Variants in EXOC6B observed in about 807,000 individuals in gnomAD.
The protein encoded by EXOC6B is SEC15 homolog B.
In EXOC6B, 54 loss-of-function variants were observed where a neutral mutation model predicts 113.5. That is an observed-to-expected ratio of 0.48 (90% CI 0.38 to 0.60). EXOC6B has a LOEUF of 0.60. EXOC6B is among the 20% of genes least tolerant of loss of function. The pLI is 0.00. For missense variants in EXOC6B, 797 were observed against 977.5 expected (o/e 0.82, Z 2.46); for synonymous variants, 357 against 339.0 (o/e 1.05, Z -0.58).
chr2:72,456,770 T>A (rs748986481), intron 18 of EXOC6B, among the ~76,000 whole-genome samples: 1 of 152,118 alleles, frequency 6.6e-6, no homozygotes, highest in South Asian at 2.1e-4. Context: ...GCAGATGCTT[T>A]AATTACCATT....
chr2:72,264,347 G>C (rs1299095598), intron 20 of EXOC6B, among the ~76,000 whole-genome samples: 2 of 152,112 alleles, frequency 1.3e-5, no homozygotes, highest in African/African-American at 4.8e-5. Flanking sequence ...GAGGCGGGCA[G>C]ATCACCTCAG....
intron 1 of EXOC6B, among the ~76,000 whole-genome samples, chr2:72,821,228 T>C (rs554899421): frequency 8.4e-4 from 127 of 151,982 alleles, no homozygotes; most frequent in African/African-American, 3.0e-3. Flanking sequence ...AATAAGCACA[T>C]GAAAAGAACA....
intron 6 of EXOC6B, among the ~76,000 whole-genome samples, chr2:72,644,200 A>G (rs1673501407): frequency 6.6e-6 from 1 of 152,220 alleles, no homozygotes. Context: ...GGTATCAGTG[A>G]TTGAAGATCA....
intron 6 of EXOC6B, among the ~76,000 whole-genome samples, chr2:72,682,585 A>G (rs950075849): frequency 3.9e-5 from 6 of 152,194 alleles, no homozygotes; most frequent in Non-Finnish European, 8.8e-5. Context: ...CAGAGTGACC[A>G]TAAAGGGATA....
chr2:72,339,051 T>C (rs1314900734), intron 19 of EXOC6B, among the ~76,000 whole-genome samples: 1 of 152,036 alleles, frequency 6.6e-6, no homozygotes, highest in Non-Finnish European at 1.5e-5. Flanking sequence ...GTTCAAGATT[T>C]AGCATTATTG....
At chr2:72,400,158 AC>A (rs1298120663) in intron 18 of EXOC6B, among the ~76,000 whole-genome samples, 1 of 152,142 alleles carries the variant, frequency 6.6e-6, no homozygotes, top group Non-Finnish European at 1.5e-5. Flanking sequence ...TCTTCAACAA[AC>A]TCAACAAAAA....
chr2:72,232,305 T>C (rs1322224705), intron 20 of EXOC6B, among the ~76,000 whole-genome samples: 2 of 152,174 alleles, frequency 1.3e-5, no homozygotes, highest in Admixed American at 6.5e-5. Flanking sequence ...TTTTAAAAAC[T>C]GAGAATATTT....
intron 19 of EXOC6B, among the ~76,000 whole-genome samples, chr2:72,348,755 C>T (rs1689479195): frequency 6.6e-6 from 1 of 152,018 alleles, no homozygotes; most frequent in Non-Finnish European, 1.5e-5. Flanking sequence ...AAAATAAATG[C>T]TGATCGTTAA....
At chr2:72,756,217 A>G (rs1682404396) in intron 1 of EXOC6B, among the ~76,000 whole-genome samples, 1 of 152,182 alleles carries the variant, frequency 6.6e-6, no homozygotes, top group African/African-American at 2.4e-5. Flanking sequence ...ACTGTAATGC[A>G]GAGTCATAGG....
chr2:72,458,148 TGA>T (rs1697366376), intron 18 of EXOC6B, among the ~76,000 whole-genome samples: 2 of 152,170 alleles, frequency 1.3e-5, no homozygotes, highest in Non-Finnish European at 2.9e-5. Flanking sequence ...AATCCCTCTC[TGA>T]GAGAGAGCCA....
chr2:72,474,485 T>C (rs987589554), intron 17 of EXOC6B, among the ~76,000 whole-genome samples: 4 of 152,038 alleles, frequency 2.6e-5, no homozygotes, highest in African/African-American at 7.2e-5. Flanking sequence ...TTTTATTTTA[T>C]ATAAAGAATT....
intron 1 of EXOC6B, among the ~76,000 whole-genome samples, chr2:72,777,493 A>G (rs527237427): frequency 6.6e-6 from 1 of 152,254 alleles, no homozygotes; most frequent in African/African-American, 2.4e-5. Context: ...GAAATGAAAA[A>G]GAAATTAAGA....
intron 6 of EXOC6B, among the ~76,000 whole-genome samples, chr2:72,651,158 T>A (rs1674141708): frequency 6.6e-6 from 1 of 152,214 alleles, no homozygotes; most frequent in Non-Finnish European, 1.5e-5. Context: ...GTTTTAATCT[T>A]TCAACTACCC....
chr2:72,489,923 C>T (rs1415663605), intron 16 of EXOC6B, among the ~76,000 whole-genome samples: 1 of 151,958 alleles, frequency 6.6e-6, no homozygotes, highest in Non-Finnish European at 1.5e-5. Flanking sequence ...GACTGTGTAA[C>T]CCCAAAACAG....
intron 20 of EXOC6B, among the ~76,000 whole-genome samples, chr2:72,239,040 A>T (rs1480114635): frequency 6.6e-6 from 1 of 152,138 alleles, no homozygotes; most frequent in African/African-American, 2.4e-5. Flanking sequence ...CTGGGACTAC[A>T]GGTGTGCACC....
rs1273027046 is a variant in EXOC6B, at chr2:72,179,014, A to G, written c.*321T>C. On this transcript the variant is annotated 3_prime_UTR_variant, in exon 22 of 22. Coordinates refer to ENST00000272427, the MANE Select transcript of EXOC6B (RefSeq NM_015189.3). ...AGATACCCACTTTTTATGGTTCCTA[A>G]GCCCCAGACCTAAGCTTTAGAGCCA... 4.2e-6 allele frequency: 1 copy of G among 238,342 alleles called. No individual in the cohort carries two copies. Among genetic ancestry groups the G allele is most frequent in the African/African-American group, 2.3e-5 (1 of 44,220 alleles). 14.8% of individuals were successfully genotyped at this position (238,342 alleles called of 1,614,324 possible).
At position 72,508,922 on chromosome 2, in the gene EXOC6B, AAT is replaced by A. The variant is rs1252686315; in HGVS notation, c.1167+4208_1167+4209del. Among the ~76,000 whole-genome samples, 53 of 152,228 alleles carry A rather than the reference AAT, an allele frequency of 3.5e-4. 1 individual carries two copies. The highest frequency in any genetic ancestry group is 1.2e-3 in the African/African-American group (51 of 41,466). On this transcript the variant is annotated intron_variant, in intron 11 of 21. Coordinates refer to ENST00000272427, the MANE Select transcript of EXOC6B (RefSeq NM_015189.3). ...TAGAAATAAACCTGAGTGTATACAT[AAT>A]ATAATATATAAAAGGTAGCCTTCAA...
At chr2:72,198,720 A>T (rs1353141461) in intron 20 of EXOC6B, among the ~76,000 whole-genome samples, 1 of 152,188 alleles carries the variant, frequency 6.6e-6, no homozygotes, top group Non-Finnish European at 1.5e-5. Flanking sequence ...ACTGTTCCCC[A>T]TAACTGTTCT....
At chr2:72,774,874 T>C (rs1369457843) in intron 1 of EXOC6B, among the ~76,000 whole-genome samples, 1 of 152,166 alleles carries the variant, frequency 6.6e-6, no homozygotes, top group Non-Finnish European at 1.5e-5. Context: ...CCCAGCCAAC[T>C]ACAAATTCAA....
Sources: gnomAD v4.1 joint callset for allele counts (sites outside exome capture counted in the v4.1 genomes callset) on GRCh38, gnomAD v4.1.1 for gene constraint, MANE v1.5 for transcripts, NCBI Gene and HGNC (gene_info 2026-07-23, HGNC 2026-07-21) for gene names.